The following SBNO2 variants were observed in gnomAD, a reference collection of about 807,000 sequenced individuals.
SBNO2 encodes strawberry notch homolog 2, also known as protein strawberry notch homolog 2.
Under a neutral mutation model 146.3 loss-of-function variants are expected in SBNO2, and 89 were observed. The ratio of observed to expected loss-of-function variants is 0.61; its 90% CI spans 0.51 to 0.73. SBNO2 has a LOEUF of 0.73. Ranked by LOEUF, SBNO2 falls within the 30% of genes least tolerant of loss-of-function variation. The pLI is 0.00. For synonymous variants in SBNO2, 1,147 were observed against 892.6 expected (o/e 1.29, Z -5.08); for missense variants, 2,092 against 2,003.7 (o/e 1.04, Z -0.84).
chr19:1,123,682 C>A (rs1461565827), intron 6 of SBNO2, 43 bp from the exon 7 acceptor site: 1 of 1,550,030 alleles, frequency 6.5e-7, no homozygotes, highest in Non-Finnish European at 8.7e-7. Flanking sequence ...CAGGCCTGAG[C>A]GGCCGCGGGC....
In SBNO2 at chr19:1,158,652, C is replaced by A. The variant is rs2080314921; in HGVS notation, c.-126-4250G>T. ...GCGAGGCCCGGGCGAGCGGGCGCGA[C>A]CGTGGTGATGGAGCCCGGCAGAGGC... On this transcript the variant is annotated intron_variant, in intron 1 of 31. Coordinates refer to ENST00000361757, the MANE Select transcript of SBNO2 (RefSeq NM_014963.3). This position sits in a 1 kb window ranked among gnomAD's most constrained non-coding sequence, Gnocchi z 9.9. Among the ~76,000 whole-genome samples the A allele has an allele frequency of 3.3e-5, 5 of 152,302 alleles. No individual in the cohort carries two copies. The South Asian group carries it at 1.0e-3, about 32-fold the overall frequency.
chr19:1,126,707 C>A lies in SBNO2; in HGVS notation c.441+897G>T, dbSNP rs556378316. Among the ~76,000 whole-genome samples the A allele has an allele frequency of 4.7e-4, 72 of 152,308 alleles. No homozygotes were observed. Among genetic ancestry groups the A allele is most frequent in the African/African-American group, 1.6e-3 (65 of 41,568 alleles). ...TATGGGTGTGAGCCCACCACTGTGC[C>A]GGGAGCGTGCGGAGGCTGGCATGGG... On this transcript the variant is annotated intron_variant, in intron 5 of 31. Coordinates refer to ENST00000361757, the MANE Select transcript of SBNO2 (RefSeq NM_014963.3). The surrounding 1 kb of genome is among the most constrained non-coding windows in gnomAD (Gnocchi z 4.4).
At chr19:1,166,873 G>A (rs185786955) in intron 1 of SBNO2, among the ~76,000 whole-genome samples, 133 of 152,270 alleles carry the variant, frequency 8.7e-4, no homozygotes, top group African/African-American at 3.0e-3. Context: ...TCACATCAGC[G>A]GCCTCAGGCC....
chr19:1,144,910 G>GA lies in SBNO2; in HGVS notation c.279+2398_279+2399insT, dbSNP rs2080174287. Reference sequence around the variant, plus strand: ...GAGACAGAGAGACAGAGGCGGAGATGGAGACAGAGACAGAGAGACAGAGAC... The same window carrying GA: ...GAGACAGAGAGACAGAGGCGGAGATGAGAGACAGAGACAGAGAGACAGAGAC... On this transcript the variant is annotated intron_variant, in intron 4 of 31. Transcript: ENST00000361757. The surrounding 1 kb of genome is among the most constrained non-coding windows in gnomAD (Gnocchi z 4.1). 1.9e-5 allele frequency among the ~76,000 whole-genome samples: 2 copies of GA among 107,728 alleles called. No individual in the cohort carries two copies. Among genetic ancestry groups the GA allele is most frequent in the East Asian group, 3.3e-4 (1 of 2,996 alleles). 70.7% of individuals were successfully genotyped at this position (107,728 alleles called of 152,430 possible). A position where few individuals can be genotyped will look rare whatever the true frequency, so the allele number is the denominator to read the frequency against.
chr19:1,147,437 G>GGGT lies in SBNO2; in HGVS notation c.168-18_168-17insACC. 7.7e-7 allele frequency: 1 copy of GGGT among 1,304,948 alleles called. No homozygotes were observed. The highest frequency in any genetic ancestry group is 1.0e-6 in the Non-Finnish European group (1 of 957,964). The allele number at this position is 1,304,948 out of a possible 1,614,324, so 80.8% of individuals were successfully genotyped here. A position where few individuals can be genotyped will look rare whatever the true frequency, so the allele number is the denominator to read the frequency against. ...ATGAACGGGCTGGAGGGAGATGGGG[G>GGGT]GGGGGGAGGTGAGATGGGGTGCTCA... On this transcript the variant is annotated splice_polypyrimidine_tract_variant and intron_variant, in intron 3 of 31. Transcript: ENST00000361757.
At chr19:1,123,874 G>T in intron 6 of SBNO2, 68 bp downstream of exon 6, 1 of 1,481,302 alleles carries the variant, frequency 6.8e-7, no homozygotes, top group South Asian at 1.2e-5. Context: ...GGAGATGCCT[G>T]TGCTGAGCCC....
At chr19:1,120,757 C>A (rs1253559660) in intron 11 of SBNO2, among the ~76,000 whole-genome samples, 1 of 152,234 alleles carries the variant, frequency 6.6e-6, no homozygotes, top group African/African-American at 2.4e-5. Flanking sequence ...CAACCTCCGA[C>A]TCCCTGGTTC....
chr19:1,117,623 G>T, intron 14 of SBNO2, 124 bp from the exon 15 acceptor site: 3 of 935,080 alleles, frequency 3.2e-6, no homozygotes, highest in South Asian at 3.4e-5. Flanking sequence ...AGGGCAGGAT[G>T]GGGGTGCTGG....
chr19:1,161,906 C>CGGGGGGGGGGGGGGGGGG (rs916715232), intron 1 of SBNO2, among the ~76,000 whole-genome samples: 2 of 1,346 alleles, frequency 1.5e-3, no homozygotes, highest in African/African-American at 4.2e-3. Flanking sequence ...TGGGGAGCCG[C>CGGGGGGGGGGGGGGGGGG]GGGGGGGGGG....
At chr19:1,121,989 C>T (rs2079905639) in intron 11 of SBNO2, 150 bp downstream of exon 11, 1 of 766,088 alleles carries the variant, frequency 1.3e-6, no homozygotes, top group Non-Finnish European at 1.8e-6. Flanking sequence ...GCCTCCAGCC[C>T]TTCCCCAGCC....
intron 4 of SBNO2, among the ~76,000 whole-genome samples, chr19:1,138,450 C>A (rs1354876970): frequency 1.3e-5 from 2 of 151,952 alleles, no homozygotes; most frequent in African/African-American, 4.8e-5. Context: ...AACACACAGA[C>A]ATGGACCTGC....
chr19:1,152,133 T>C (rs1191354342), intron 2 of SBNO2, among the ~76,000 whole-genome samples: 3 of 152,172 alleles, frequency 2.0e-5, no homozygotes, highest in Non-Finnish European at 4.4e-5. Context: ...GCAAAGCCGG[T>C]TACGCGCACG....
intron 4 of SBNO2, chr19:1,132,053 C>T (rs752574513): frequency 3.4e-6 from 5 of 1,487,564 alleles, no homozygotes; most frequent in South Asian, 2.5e-5. Flanking sequence ...GACCCCTGCC[C>T]CCGAGGGCCT....
chr19:1,155,840 C>G (rs2080285514), intron 1 of SBNO2, among the ~76,000 whole-genome samples: 1 of 152,196 alleles, frequency 6.6e-6, no homozygotes. Flanking sequence ...GGCCCACCCC[C>G]TGCCTTGGGG....
At position 1,120,075 on chromosome 19, in the gene SBNO2, G is replaced by A. The variant is rs2079882331; in HGVS notation, c.1150-52C>T. 6 of 1,458,230 alleles carry A rather than the reference G, an allele frequency of 4.1e-6. No homozygotes were observed. The Middle Eastern group carries it at 6.9e-4, about 167-fold the overall frequency. 90.3% of individuals were successfully genotyped at this position (1,458,230 alleles called of 1,614,324 possible). ...TTCTGAAGGACGGGGGCGACCCCAG[G>A]AGCCCAGGTCCTGACCACCCAAGAC... is the stretch of plus-strand genomic sequence containing the variant. On this transcript the variant is annotated intron_variant, in intron 11 of 31. Coordinates refer to ENST00000361757, the MANE Select transcript of SBNO2 (RefSeq NM_014963.3).
Position 1,118,118 on chromosome 19 carries a change from C to T in SBNO2, c.1528-619G>A, listed in dbSNP as rs1217718540. Among the ~76,000 whole-genome samples the T allele has an allele frequency of 4.0e-5, 6 of 151,792 alleles. No homozygotes were observed. In the East Asian group the frequency reaches 9.8e-4, roughly 25 times the overall value. ...TGGGAGGCTGAGGCGGTCAGATCGC[C>T]TGAGCTCAGGAGTTTGAGACCAACC... On this transcript the variant is annotated intron_variant, in intron 14 of 31. Transcript: ENST00000361757.
chr19:1,122,553 C>A lies in SBNO2; in HGVS notation c.920G>T (p.Ser307Ile). The change falls in exon 10 of 32, where the codon AGC becomes ATC. Residue 307 changes from serine to isoleucine, a missense_variant. Coordinates refer to ENST00000361757, the MANE Select transcript of SBNO2 (RefSeq NM_014963.3). ...ATCGTACTTGAGGTCGTTGGAGACGCTGAACCTGCGGGGTGGGGGCGTCAG... is the reference window on the plus strand; with the variant it reads ...ATCGTACTTGAGGTCGTTGGAGACGATGAACCTGCGGGGTGGGGGCGTCAG... The part of the protein sequence containing the change: ...LRGRKKALWF[S>I]VSNDLKYDAE... 6.5e-7 allele frequency: 1 copy of A among 1,540,858 alleles called. No individual in the cohort carries two copies. Among genetic ancestry groups the A allele is most frequent in the Non-Finnish European group, 8.7e-7 (1 of 1,143,746 alleles).
At position 1,113,715 on chromosome 19, in the gene SBNO2, G is replaced by A; in HGVS notation, c.2078-11C>T. 5 of 1,526,656 alleles carry A rather than the reference G, an allele frequency of 3.3e-6. No homozygotes were observed. The highest frequency in any genetic ancestry group is 4.4e-6 in the Non-Finnish European group (5 of 1,138,892). The allele number at this position is 1,526,656 out of a possible 1,614,324, so 94.6% of individuals were successfully genotyped here. The stretch of plus-strand genomic sequence containing the variant: ...GGAGGCACAGGGGTCCTAGGGAGGA[G>A]GTGGAGGGTCAGGGCAGGACATGTT... On this transcript the variant is annotated splice_polypyrimidine_tract_variant and intron_variant, in intron 18 of 31. Coordinates refer to ENST00000361757, the MANE Select transcript of SBNO2 (RefSeq NM_014963.3).
intron 1 of SBNO2, among the ~76,000 whole-genome samples, chr19:1,162,912 G>A (rs935015501): frequency 2.0e-5 from 3 of 152,232 alleles, no homozygotes; most frequent in South Asian, 2.1e-4. Flanking sequence ...GGGAGGGGAC[G>A]TTGGGGCTGC....
Sources: allele counts gnomAD v4.1 joint callset (sites outside exome capture counted in the v4.1 genomes callset), GRCh38; gene constraint gnomAD v4.1.1; non-coding constraint Gnocchi (gnomAD v3.1); transcripts MANE v1.5; gene names NCBI Gene and HGNC (gene_info 2026-07-23, HGNC 2026-07-21).